CDH12: variants seen among roughly 807,000 people sequenced by gnomAD.
The protein encoded by CDH12 is cadherin 12.
CDH12 carries 41 observed loss-of-function variants against 74.1 expected under a neutral mutation model. That is an observed-to-expected ratio of 0.55 (90% CI 0.43 to 0.72). The LOEUF (loss-of-function observed/expected upper bound fraction) is 0.72. Ranked by LOEUF, CDH12 falls within the 30% of genes least tolerant of loss-of-function variation. CDH12 has a pLI of 0.00. For missense variants in CDH12, 945 were observed against 977.2 expected, an observed-to-expected ratio of 0.97 and a Z score of 0.44; for synonymous variants, 399 against 355.0, an observed-to-expected ratio of 1.12 and a Z score of -1.39.
intron 4 of CDH12, among the ~76,000 whole-genome samples, chr5:22,097,543 A>G (rs1328605062): frequency 1.3e-5 from 2 of 152,008 alleles, no homozygotes; most frequent in Non-Finnish European, 2.9e-5. Flanking sequence ...AACTTAGACA[A>G]TACTCTTTTA....
At chr5:21,949,439 G>A (rs1189734942) in intron 6 of CDH12, among the ~76,000 whole-genome samples, 1 of 138,806 alleles carries the variant, frequency 7.2e-6, no homozygotes, top group African/African-American at 2.9e-5. Context: ...GACAGAACGA[G>A]ACTCTGTCTC....
intron 1 of CDH12, among the ~76,000 whole-genome samples, chr5:22,772,468 G>C (rs201255769): frequency 1.3e-5 from 2 of 151,978 alleles, no homozygotes; most frequent in East Asian, 3.9e-4. Flanking sequence ...ACCAAATAAG[G>C]GAAGCAATGT....
intron 1 of CDH12, among the ~76,000 whole-genome samples, chr5:22,648,958 C>A (rs972599362): frequency 6.6e-6 from 1 of 151,850 alleles, no homozygotes; most frequent in African/African-American, 2.4e-5. Context: ...ATTTAGTCTG[C>A]AAAACTGTAG....
At chr5:22,632,049 C>G (rs1180900244) in intron 1 of CDH12, among the ~76,000 whole-genome samples, 1 of 152,094 alleles carries the variant, frequency 6.6e-6, no homozygotes, top group Non-Finnish European at 1.5e-5. Flanking sequence ...CACCAGACAT[C>G]AGGATGTAGC....
chr5:22,043,274 T>A (rs1215072304), intron 5 of CDH12, among the ~76,000 whole-genome samples: 4 of 152,202 alleles, frequency 2.6e-5, no homozygotes, highest in African/African-American at 9.6e-5. Flanking sequence ...ATCCTAGTGA[T>A]ATAAACATGA....
chr5:22,119,035 C>T (rs1195537600), intron 4 of CDH12, among the ~76,000 whole-genome samples: 4 of 152,042 alleles, frequency 2.6e-5, no homozygotes, highest in East Asian at 1.9e-4. Context: ...GTAATAGGAT[C>T]GCCTTTTCAA....
chr5:22,393,548 G>C (rs1742335682), intron 3 of CDH12, among the ~76,000 whole-genome samples: 1 of 152,084 alleles, frequency 6.6e-6, no homozygotes, highest in South Asian at 2.1e-4. Context: ...AACAAATACT[G>C]AAAAAATACC....
At chr5:22,572,855 T>C (rs1306181904) in intron 1 of CDH12, among the ~76,000 whole-genome samples, 3 of 152,208 alleles carry the variant, frequency 2.0e-5, no homozygotes, top group African/African-American at 7.2e-5. Context: ...AAGGTTGCCC[T>C]CATTCATCTC....
intron 6 of CDH12, among the ~76,000 whole-genome samples, chr5:21,914,590 A>C (rs1315119263): frequency 6.6e-6 from 1 of 152,190 alleles, no homozygotes; most frequent in Non-Finnish European, 1.5e-5. Flanking sequence ...TGAAATCTAT[A>C]GGGTAAGCCA....
chr5:22,579,248 C>A (rs1444941473), intron 1 of CDH12, among the ~76,000 whole-genome samples: 4 of 152,064 alleles, frequency 2.6e-5, no homozygotes, highest in African/African-American at 9.7e-5. Flanking sequence ...CTAGGAGACA[C>A]TGTGCTTAGT....
chr5:22,396,516 G>A (rs111705214), intron 3 of CDH12, among the ~76,000 whole-genome samples: 5,491 of 152,220 alleles, frequency 0.036, 114 homozygotes, highest in African/African-American at 0.055. Flanking sequence ...TAGATTCTGG[G>A]ATTAGCAGGT....
chr5:21,916,297 G>T (rs1414450610), intron 6 of CDH12, among the ~76,000 whole-genome samples: 1 of 152,088 alleles, frequency 6.6e-6, no homozygotes, highest in Non-Finnish European at 1.5e-5. Flanking sequence ...TGGTAATTAG[G>T]AACTTAAGGT....
intron 6 of CDH12, among the ~76,000 whole-genome samples, chr5:21,935,178 T>G (rs2150084811): frequency 6.6e-6 from 1 of 152,324 alleles, no homozygotes; most frequent in East Asian, 1.9e-4. Flanking sequence ...TTTGGATGGC[T>G]TTTCATATAT....
chr5:22,237,280 T>C (rs1462066448), intron 3 of CDH12, among the ~76,000 whole-genome samples: 1 of 152,154 alleles, frequency 6.6e-6, no homozygotes, highest in African/African-American at 2.4e-5. Flanking sequence ...GTATTGCCTT[T>C]GAGGAAAATT....
intron 2 of CDH12, among the ~76,000 whole-genome samples, chr5:22,451,237 T>G (rs962582689): frequency 6.6e-6 from 1 of 151,946 alleles, no homozygotes; most frequent in African/African-American, 2.4e-5. Context: ...AGAGAGTAAG[T>G]GATCAAATGA....
At chr5:21,787,052 C>A (rs147830277) in intron 10 of CDH12, among the ~76,000 whole-genome samples, 11 of 152,182 alleles carry the variant, frequency 7.2e-5, no homozygotes, top group African/African-American at 2.2e-4. Flanking sequence ...GAGATGAAAT[C>A]TACTTTTGGT....
intron 1 of CDH12, among the ~76,000 whole-genome samples, chr5:22,645,188 A>T (rs1162036972): frequency 6.6e-6 from 1 of 152,096 alleles, no homozygotes. Flanking sequence ...GGGCAAAATC[A>T]ATTGAAAACC....
intron 1 of CDH12, among the ~76,000 whole-genome samples, chr5:22,605,735 C>T (rs1737080760): frequency 6.6e-6 from 1 of 152,246 alleles, no homozygotes; most frequent in Admixed American, 6.5e-5. Context: ...TCCACCAGCC[C>T]ATAGGCTGCT....
intron 6 of CDH12, among the ~76,000 whole-genome samples, chr5:21,934,150 G>C (rs576782544): frequency 2.6e-5 from 4 of 152,134 alleles, no homozygotes; most frequent in Admixed American, 2.0e-4. Flanking sequence ...ACACATTTAA[G>C]TGGTTTGGGT....
Sources: gnomAD v4.1 joint callset for allele counts (sites outside exome capture counted in the v4.1 genomes callset) on GRCh38, gnomAD v4.1.1 for gene constraint, MANE v1.5 for transcripts, NCBI Gene and HGNC (gene_info 2026-07-23, HGNC 2026-07-21) for gene names.